The following CDH20 variants were observed in gnomAD, a reference collection of about 807,000 sequenced individuals.
The protein encoded by CDH20 is cadherin-20.
Under a neutral mutation model 74.2 loss-of-function variants are expected in CDH20, and 29 were observed. The observed-to-expected ratio is 0.39, with a 90% CI of 0.29 to 0.53. The LOEUF (loss-of-function observed/expected upper bound fraction) is 0.53. Among genes scored for constraint, CDH20 ranks in the 20% least tolerant of loss-of-function variants. The probability of loss-of-function intolerance (pLI) is 0.69; values close to 1 mark genes in which losing one functional copy is unlikely to be tolerated. For missense variants in CDH20, 988 were observed against 1,048.3 expected (o/e 0.94, Z 0.79); for synonymous variants, 469 against 405.4 (o/e 1.16, Z -1.88).
At chr18:61,475,409 C>T (rs1300137908) in intron 1 of CDH20, among the ~76,000 whole-genome samples, 1 of 152,160 alleles carries the variant, frequency 6.6e-6, no homozygotes, top group Non-Finnish European at 1.5e-5. Flanking sequence ...AGGAGTCAAA[C>T]TGGAAATAAA....
intron 1 of CDH20, among the ~76,000 whole-genome samples, chr18:61,430,522 G>A (rs1172255579): frequency 1.3e-5 from 2 of 152,098 alleles, no homozygotes; most frequent in African/African-American, 4.8e-5. Context: ...TTACTCTGAA[G>A]CCCACATTTA....
At chr18:61,334,659 G>T (rs1001268923) in intron 1 of CDH20, among the ~76,000 whole-genome samples, 4 of 152,064 alleles carry the variant, frequency 2.6e-5, no homozygotes, top group African/African-American at 9.7e-5. Context: ...CTAGCTATCC[G>T]CCTCTGGGGC....
chr18:61,504,324 G>A (rs1911485592), intron 5 of CDH20, among the ~76,000 whole-genome samples: 1 of 152,196 alleles, frequency 6.6e-6, no homozygotes, highest in Non-Finnish European at 1.5e-5. Context: ...TGGGACAAAT[G>A]AGGAAACATG....
chr18:61,405,511 C>T (rs1912302514), intron 1 of CDH20, among the ~76,000 whole-genome samples: 1 of 152,146 alleles, frequency 6.6e-6, no homozygotes, highest in African/African-American at 2.4e-5. Flanking sequence ...TGCTTCAGCC[C>T]AGGAGTTCGA....
chr18:61,533,842 G>A (rs534620449), intron 7 of CDH20, among the ~76,000 whole-genome samples: 1 of 152,076 alleles, frequency 6.6e-6, no homozygotes, highest in East Asian at 1.9e-4. Flanking sequence ...CTGCATGTGG[G>A]TATCTAGTTT....
chr18:61,370,618 T>C (rs1911001467), intron 1 of CDH20, among the ~76,000 whole-genome samples: 1 of 152,092 alleles, frequency 6.6e-6, no homozygotes, highest in Non-Finnish European at 1.5e-5. Flanking sequence ...ATTATTTTCA[T>C]GTTTTTTTCT....
chr18:61,340,492 A>C (rs1367541595), intron 1 of CDH20, among the ~76,000 whole-genome samples: 1 of 152,122 alleles, frequency 6.6e-6, no homozygotes, highest in Non-Finnish European at 1.5e-5. Context: ...GTATCTTTGG[A>C]CAGAACCAAA....
chr18:61,441,992 T>C (rs1451593963), intron 1 of CDH20, among the ~76,000 whole-genome samples: 2 of 152,104 alleles, frequency 1.3e-5, no homozygotes. Context: ...TCTCCTCCTG[T>C]CTCTCTCAGT....
chr18:61,359,633 T>TA (rs904291848), intron 1 of CDH20, among the ~76,000 whole-genome samples: 1 of 152,058 alleles, frequency 6.6e-6, no homozygotes, highest in African/African-American at 2.4e-5. Context: ...ACGGTTTATT[T>TA]AAAAAAAGAA....
intron 1 of CDH20, among the ~76,000 whole-genome samples, chr18:61,403,363 A>C (rs1912219070): frequency 6.6e-6 from 1 of 152,232 alleles, no homozygotes; most frequent in Admixed American, 6.5e-5. Context: ...ACTCAAACTC[A>C]TGTAGAAAAT....
chr18:61,477,620 G>C (rs1910438353), intron 1 of CDH20, among the ~76,000 whole-genome samples: 1 of 152,042 alleles, frequency 6.6e-6, no homozygotes, highest in Non-Finnish European at 1.5e-5. Context: ...ATCATCTATT[G>C]TTGCAAATAT....
chr18:61,409,812 C>T (rs1244150349), intron 1 of CDH20, among the ~76,000 whole-genome samples: 2 of 152,118 alleles, frequency 1.3e-5, no homozygotes, highest in Non-Finnish European at 2.9e-5. Context: ...TCACAGATCA[C>T]AGTAGCTGAG....
intron 1 of CDH20, among the ~76,000 whole-genome samples, chr18:61,436,530 C>T (rs957105572): frequency 1.8e-4 from 27 of 152,282 alleles, no homozygotes; most frequent in Middle Eastern, 3.4e-3. Context: ...CTGGATTTGA[C>T]ATGCCTGTGA....
At chr18:61,517,734 T>C (rs908998324) in intron 6 of CDH20, among the ~76,000 whole-genome samples, 14 of 152,080 alleles carry the variant, frequency 9.2e-5, no homozygotes, top group African/African-American at 2.9e-4. Flanking sequence ...TGTTTTGTTT[T>C]ACCCCCAGTG....
intron 1 of CDH20, among the ~76,000 whole-genome samples, chr18:61,357,829 G>A (rs1040461189): frequency 1.1e-4 from 16 of 151,988 alleles, no homozygotes; most frequent in African/African-American, 2.9e-4. Flanking sequence ...CACAGCTGCC[G>A]CCCAATCTTT....
chr18:61,417,431 T>C (rs990925314), intron 1 of CDH20, among the ~76,000 whole-genome samples: 6 of 152,016 alleles, frequency 3.9e-5, no homozygotes, highest in South Asian at 2.1e-4. Flanking sequence ...TACATACATA[T>C]ATACAACAGA....
intron 1 of CDH20, among the ~76,000 whole-genome samples, chr18:61,411,560 A>G (rs1912504155): frequency 1.4e-5 from 1 of 71,004 alleles, no homozygotes; most frequent in African/African-American, 5.4e-5. Context: ...ATGTATGTGT[A>G]TATATGTGTG....
At chr18:61,388,166 T>A (rs190086384) in intron 1 of CDH20, among the ~76,000 whole-genome samples, 33 of 152,264 alleles carry the variant, frequency 2.2e-4, no homozygotes, top group Non-Finnish European at 4.0e-4. Context: ...ATGAGTGAGC[T>A]AAACAGAGGA....
chr18:61,404,039 C>T (rs1387745877), intron 1 of CDH20, among the ~76,000 whole-genome samples: 1 of 152,132 alleles, frequency 6.6e-6, no homozygotes, highest in Admixed American at 6.5e-5. Context: ...AATGAGAACA[C>T]ATGGACACAG....
Sources: allele counts gnomAD v4.1 joint callset (sites outside exome capture counted in the v4.1 genomes callset), GRCh38; gene constraint gnomAD v4.1.1; transcripts MANE v1.5; gene names NCBI Gene and HGNC (gene_info 2026-07-23, HGNC 2026-07-21).